Variants in IL1RN observed in about 807,000 individuals in gnomAD.
IL1RN encodes the protein interleukin 1 receptor antagonist.
Under a neutral mutation model 13.7 loss-of-function variants are expected in IL1RN, and 10 were observed. The ratio of observed to expected loss-of-function variants is 0.73; its 90% CI spans 0.45 to 1.24. IL1RN has a LOEUF of 1.24. Among genes scored for constraint, IL1RN ranks in the 50% most tolerant of loss-of-function variants. The probability of loss-of-function intolerance (pLI) is 0.00; values close to 1 mark genes in which losing one functional copy is unlikely to be tolerated. For synonymous variants in IL1RN, 102 were observed against 82.7 expected, an observed-to-expected ratio of 1.23 and a Z score of -1.27; for missense variants, 213 against 222.1, an observed-to-expected ratio of 0.96 and a Z score of 0.26.
chr2:113,131,097 T>C lies in IL1RN; in HGVS notation c.258T>C (p.His86=), dbSNP rs755622357. ...IEPHALFLGI[H]GGKMCLSCVK... ...CTCATGCTCTGTTCTTGGGAATCCA[T>C]GGAGGGAAGATGTGCCTGTCCTGTG... is the stretch of plus-strand genomic sequence containing the variant. The change falls in exon 3 of 4, where the codon CAT becomes CAC. Residue 86 remains histidine, a synonymous_variant. Transcript: ENST00000409930. 9 of 1,613,904 alleles carry C rather than the reference T, an allele frequency of 5.6e-6. No homozygotes were observed. The highest frequency in any genetic ancestry group is 7.6e-6 in the Non-Finnish European group (9 of 1,179,738).
At chr2:113,119,685 C>T (rs1446530511) in intron 1 of IL1RN, among the ~76,000 whole-genome samples, 1 of 152,222 alleles carries the variant, frequency 6.6e-6, no homozygotes, top group African/African-American at 2.4e-5. Flanking sequence ...GTGCTTAAAA[C>T]TGGTTCATCC....
chr2:113,112,520 C>G (rs938708905), intron 1 of IL1RN, among the ~76,000 whole-genome samples: 2 of 152,124 alleles, frequency 1.3e-5, no homozygotes, highest in African/African-American at 4.8e-5. Flanking sequence ...GCCGGAGCCC[C>G]CCTCGCCCTG....
the IL1RN span, among the ~76,000 whole-genome samples, chr2:113,101,498 A>G: frequency 6.8e-6 from 1 of 148,106 alleles, no homozygotes; most frequent in South Asian, 2.1e-4. Context: ...ACTATTTCAT[A>G]AAAGAAAGGC....
chr2:113,099,641 T>C, the IL1RN span, among the ~76,000 whole-genome samples: 1 of 151,258 alleles, frequency 6.6e-6, no homozygotes, highest in African/African-American at 2.4e-5. Flanking sequence ...TGGGTCTCCA[T>C]ACACTGCTCT....
At chr2:113,124,449 T>C (rs1274014368), upstream of IL1RN, among the ~76,000 whole-genome samples, 2 of 151,256 alleles carry the variant, frequency 1.3e-5, no homozygotes, top group African/African-American at 4.9e-5. Flanking sequence ...GCCCCCCCCC[T>C]TTGGAGTCAG....
rs541323800 is a variant in IL1RN at position 113,133,535 on chromosome 2, A to G, written c.*664A>G. 6.4e-6 allele frequency: 1 copy of G among 156,034 alleles called. No homozygotes were observed. The highest frequency in any genetic ancestry group is 2.4e-5 in the African/African-American group (1 of 41,492). 9.7% of individuals were successfully genotyped at this position (156,034 alleles called of 1,614,324 possible). A position where few individuals can be genotyped will look rare whatever the true frequency, so the allele number is the denominator to read the frequency against. ...ACTTGTAAAAATTAAAAGTTATGGT[A>G]CTATGTTAGCCCCATAATTTTTTTT... On this transcript the variant is annotated 3_prime_UTR_variant, in exon 4 of 4. Coordinates refer to ENST00000409930, the MANE Select transcript of IL1RN (RefSeq NM_173842.3).
chr2:113,129,716 C>T (rs746349260), intron 2 of IL1RN, 52 bp downstream of exon 2: 15 of 1,175,230 alleles, frequency 1.3e-5, no homozygotes, highest in Non-Finnish European at 1.4e-5. Context: ...TCACTTTGCC[C>T]GTCTGTCTGC....
At chr2:113,105,254 G>T (rs937537738), upstream of IL1RN, among the ~76,000 whole-genome samples, 1 of 152,134 alleles carries the variant, frequency 6.6e-6, no homozygotes, top group South Asian at 2.1e-4. Context: ...TGACGTCAGG[G>T]GCTACTGCTA....
chr2:113,122,547 C>T (rs927862704), intron 2 of IL1RN, among the ~76,000 whole-genome samples: 4 of 152,144 alleles, frequency 2.6e-5, no homozygotes, highest in Admixed American at 6.5e-5. Context: ...ATTGGAGATT[C>T]AATTGTTAAA....
intron 3 of IL1RN, among the ~76,000 whole-genome samples, chr2:113,131,435 C>T (rs1328342039): frequency 3.9e-5 from 6 of 152,128 alleles, no homozygotes; most frequent in Non-Finnish European, 8.8e-5. Flanking sequence ...CGGCTGACTT[C>T]CAAAAGGGAT....
intron 2 of IL1RN, among the ~76,000 whole-genome samples, chr2:113,122,175 C>T (rs935842499): frequency 6.6e-6 from 1 of 152,218 alleles, no homozygotes; most frequent in Non-Finnish European, 1.5e-5. Flanking sequence ...CAACATTTCA[C>T]AAATAGTGCT....
Position 113,121,057 on chromosome 2 carries a change from TTCC to T in IL1RN, c.73+947_73+949del, listed in dbSNP as rs199592921. Among the ~76,000 whole-genome samples, 936 of 123,532 alleles carry T rather than the reference TTCC, an allele frequency of 7.6e-3. 10 individuals carry two copies. The highest frequency in any genetic ancestry group is 0.019 in the East Asian group (82 of 4,410). 81.0% of individuals were successfully genotyped at this position (123,532 alleles called of 152,430 possible). On this transcript the variant is annotated intron_variant, in intron 2 of 5. Coordinates refer to the IL1RN transcript ENST00000259206. ...CTTCTTCTTCTTCCTCTTCTTCTTC[TTCC>T]TCCTCCTCCTCCTCCTCTTCTTCTT... is the stretch of plus-strand genomic sequence containing the variant.
chr2:113,130,557 C>T (rs598859), intron 2 of IL1RN, among the ~76,000 whole-genome samples: 1 of 150,502 alleles, frequency 6.6e-6, no homozygotes, highest in African/African-American at 2.4e-5. Context: ...GAAATATGGA[C>T]ATCACATGGA....
upstream of IL1RN, among the ~76,000 whole-genome samples, chr2:113,106,832 AAAT>A (rs1344179365): frequency 2.0e-5 from 3 of 152,242 alleles, no homozygotes; most frequent in Admixed American, 6.5e-5. Context: ...GATTTAAAGA[AAAT>A]AAATCAAATT....
chr2:113,116,309 G>A (rs1467092956), upstream of IL1RN, among the ~76,000 whole-genome samples: 2 of 152,192 alleles, frequency 1.3e-5, no homozygotes, highest in Non-Finnish European at 1.5e-5. Context: ...CATTTACGAA[G>A]TTTCCAGGTT....
intron 1 of IL1RN, among the ~76,000 whole-genome samples, chr2:113,128,705 C>T (rs948694194): frequency 1.3e-5 from 2 of 152,192 alleles, no homozygotes; most frequent in South Asian, 2.1e-4. Context: ...GGCCACCCCT[C>T]GTCGAGCATG....
upstream of IL1RN, among the ~76,000 whole-genome samples, chr2:113,104,333 T>G (rs559937626): frequency 1.3e-5 from 2 of 152,130 alleles, no homozygotes; most frequent in Non-Finnish European, 2.9e-5. Context: ...CAGCATGAAG[T>G]CACCAGCTCT....
intron 2 of IL1RN, among the ~76,000 whole-genome samples, chr2:113,122,143 T>A (rs1041689496): frequency 2.6e-5 from 4 of 152,204 alleles, no homozygotes; most frequent in African/African-American, 4.8e-5. Flanking sequence ...AGTGTGCACA[T>A]CTGTCCACCC....
At chr2:113,117,880 G>T (rs1686631873), upstream of IL1RN, 4 of 770,858 alleles carry the variant, frequency 5.2e-6, no homozygotes, top group East Asian at 7.3e-5. Flanking sequence ...TCTCTGAGGT[G>T]CTCTGGAAGG....
Sources: gnomAD v4.1 joint callset for allele counts (sites outside exome capture counted in the v4.1 genomes callset) on GRCh38, gnomAD v4.1.1 for gene constraint, MANE v1.5 for transcripts, NCBI Gene and HGNC (gene_info 2026-07-23, HGNC 2026-07-21) for gene names.